Variants in COL4A6 observed in about 807,000 individuals in gnomAD.
COL4A6 encodes collagen type IV alpha 6 chain.
A neutral mutation model predicts 126.7 loss-of-function variants in COL4A6; 59 were observed. The observed-to-expected ratio is 0.47, with a 90% CI of 0.38 to 0.58. The LOEUF is 0.58. Among genes scored for constraint, COL4A6 ranks in the 20% least tolerant of loss-of-function variants. COL4A6 has a pLI of 0.00. For missense variants in COL4A6, 1,285 were observed against 1,337.3 expected (o/e 0.96, Z 0.61); for synonymous variants, 547 against 496.6 (o/e 1.10, Z -1.35).
At chrX:108,291,122 C>T (rs763539166) in intron 3 of COL4A6, among the ~76,000 whole-genome samples, 4 of 111,876 alleles carry the variant, frequency 3.6e-5, no homozygotes, top group Non-Finnish European at 7.5e-5. Flanking sequence ...AGGCTTCTGT[C>T]CAAGAGGACC....
intron 15 of COL4A6, 134 bp from the exon 16 acceptor site, chrX:108,194,721 T>G (rs2035156521): frequency 1.6e-6 from 1 of 613,767 alleles, no homozygotes. Context: ...TCTATCTGAC[T>G]CTGGAAGCTG....
chrX:108,308,726 G>A lies in COL4A6; in HGVS notation c.144+2022C>T, dbSNP rs551183376. ...TGCAATGCTGATGGGAATATAAATT[G>A]GAGAATACTTTGTAGCCTAATTTGT... On this transcript the variant is annotated intron_variant, in intron 3 of 44. Coordinates refer to ENST00000334504, the MANE Select transcript of COL4A6 (RefSeq NM_033641.4). Among the ~76,000 whole-genome samples the A allele has an allele frequency of 2.0e-3, 219 of 112,041 alleles. 1 individual carries two copies. Among genetic ancestry groups the A allele is most frequent in the Middle Eastern group, 4.6e-3 (1 of 218 alleles).
chrX:108,375,301 T>TAC (rs1194810540), intron 2 of COL4A6, among the ~76,000 whole-genome samples: 2 of 112,109 alleles, frequency 1.8e-5, no homozygotes, highest in Non-Finnish European at 3.8e-5. Context: ...TGGGTCTGTA[T>TAC]AACAATCAAC....
At chrX:108,343,221 G>A (rs2039627918) in intron 2 of COL4A6, among the ~76,000 whole-genome samples, 1 of 93,392 alleles carries the variant, frequency 1.1e-5, no homozygotes, top group Non-Finnish European at 2.1e-5. Flanking sequence ...CAAAGGCTGG[G>A]AGTTGACATG....
At chrX:108,198,737 C>T (rs1248331593) in intron 13 of COL4A6, among the ~76,000 whole-genome samples, 1 of 111,309 alleles carries the variant, frequency 9.0e-6, no homozygotes, top group Non-Finnish European at 1.9e-5. Flanking sequence ...GCCTGCTCTC[C>T]TGGGCTCTGG....
At chrX:108,262,366 G>C (rs1241223060) in intron 3 of COL4A6, among the ~76,000 whole-genome samples, 1 of 111,250 alleles carries the variant, frequency 9.0e-6, no homozygotes, top group Non-Finnish European at 1.9e-5. Flanking sequence ...GGCTGTATTT[G>C]TGAGGTCCTC....
At chrX:108,283,309 A>C (rs956920324) in intron 3 of COL4A6, among the ~76,000 whole-genome samples, 2 of 111,541 alleles carry the variant, frequency 1.8e-5, no homozygotes, top group African/African-American at 6.5e-5. Flanking sequence ...TCCAACTCTA[A>C]CATTTGATGG....
At chrX:108,403,350 T>G (rs1380945613) in intron 2 of COL4A6, among the ~76,000 whole-genome samples, 2 of 108,254 alleles carry the variant, frequency 1.8e-5, no homozygotes, top group Non-Finnish European at 3.8e-5. Flanking sequence ...TTCTGAAATA[T>G]TCTTCATAAT....
intron 2 of COL4A6, among the ~76,000 whole-genome samples, chrX:108,389,389 T>G (rs187752464): frequency 1.1e-3 from 123 of 111,906 alleles, no homozygotes; most frequent in Middle Eastern, 4.6e-3. Flanking sequence ...GCTTTATGAA[T>G]CTGGATGCTC....
intron 3 of COL4A6, among the ~76,000 whole-genome samples, chrX:108,287,650 T>G (rs916179653): frequency 2.8e-4 from 31 of 111,975 alleles, no homozygotes; most frequent in Non-Finnish European, 5.8e-4. Context: ...TTTTGGGTAG[T>G]TCTTTCCCCA....
At chrX:108,292,097 A>C (rs1215321977) in intron 3 of COL4A6, among the ~76,000 whole-genome samples, 1 of 112,261 alleles carries the variant, frequency 8.9e-6, no homozygotes, top group Non-Finnish European at 1.9e-5. Context: ...ACTGTTGGTC[A>C]TATTTTTAAT....
At chrX:108,424,837 C>A (rs1365725970) in intron 2 of COL4A6, among the ~76,000 whole-genome samples, 1 of 110,652 alleles carries the variant, frequency 9.0e-6, no homozygotes, top group Non-Finnish European at 1.9e-5. Context: ...AAAGTGAAAA[C>A]CCCATCTCTA....
Position 108,180,582 on chromosome X carries a change from C to T in COL4A6, c.2064G>A (p.Gln688=), listed in dbSNP as rs2034653159. The change falls in exon 25 of 45, where the codon CAG becomes CAA. Residue 688 remains glutamine, a synonymous_variant. Coordinates refer to ENST00000334504, the MANE Select transcript of COL4A6 (RefSeq NM_033641.4). The part of the protein sequence containing the change: ...GSRGLPGTPG[Q]PGSSGSKGEP... ...CTCCTTTACTTCCACTTGACCCAGG[C>T]TGGCCTGGGGTCCCAGGGAGGCCTC... 8.3e-7 allele frequency: 1 copy of T among 1,206,408 alleles called. No homozygotes were observed. The highest frequency in any genetic ancestry group is 3.0e-5 in the East Asian group (1 of 33,755).
In COL4A6 at chrX:108,425,861, A is replaced by C. The variant is rs781431782; in HGVS notation, c.63+12081T>G. Among the ~76,000 whole-genome samples the C allele has an allele frequency of 7.6e-4, 84 of 110,979 alleles. 1 individual carries two copies. Among genetic ancestry groups the C allele is most frequent in the African/African-American group, 2.2e-3 (68 of 30,486 alleles). On this transcript the variant is annotated intron_variant, in intron 2 of 44. Transcript: ENST00000334504. ...CTGTTAAAAATTTGAATTGTTAATA[A>C]ATACATTGATATTTCTGGGGAGGGC...
intron 41 of COL4A6, among the ~76,000 whole-genome samples, chrX:108,162,366 TAAA>T (rs1330981504): frequency 1.5e-5 from 1 of 68,812 alleles, no homozygotes; most frequent in Non-Finnish European, 3.0e-5. Flanking sequence ...TAAAAAAAAA[TAAA>T]AAGAAGAAGA....
chrX:108,263,179 A>G (rs1328045823), intron 3 of COL4A6, among the ~76,000 whole-genome samples: 5 of 111,206 alleles, frequency 4.5e-5, no homozygotes, highest in Non-Finnish European at 7.6e-5. Flanking sequence ...AAATCTATAG[A>G]CAAAGAACAA....
chrX:108,422,640 G>A (rs997122012), intron 2 of COL4A6, among the ~76,000 whole-genome samples: 7 of 111,508 alleles, frequency 6.3e-5, no homozygotes, highest in Non-Finnish European at 1.1e-4. Context: ...CAATGTTTTA[G>A]GTCAAAAATC....
chrX:108,186,860 T>C (rs1001919763), intron 23 of COL4A6, among the ~76,000 whole-genome samples: 1 of 111,436 alleles, frequency 9.0e-6, no homozygotes, highest in Non-Finnish European at 1.9e-5. Context: ...ATTTTCAGAC[T>C]GCTCTGGTAG....
Position 108,192,559 on chromosome X carries a change from AC to A in COL4A6, c.1093del (p.Val365TyrfsTer35), listed in dbSNP as rs761389178. The A allele has an allele frequency of 2.5e-6, 3 of 1,200,258 alleles. No individual in the cohort carries two copies. The highest frequency in any genetic ancestry group is 3.4e-6 in the Non-Finnish European group (3 of 887,197). On this transcript the variant is annotated frameshift_variant, in exon 18 of 45. Transcript: ENST00000334504. LOFTEE classifies it high-confidence loss of function. ...VISGNPGDPG[V>X]PGLPGLKGDE... ...TCCTTTAAGGCCTGGGAGGCCAGGTACACCAGGATCTCCAGGATTACCTGGC... is the reference window on the plus strand; with the variant it reads ...TCCTTTAAGGCCTGGGAGGCCAGGTAACCAGGATCTCCAGGATTACCTGGC...
Sources: gnomAD v4.1 joint callset for allele counts (sites outside exome capture counted in the v4.1 genomes callset) on GRCh38, gnomAD v4.1.1 for gene constraint, MANE v1.5 for transcripts, NCBI Gene and HGNC (gene_info 2026-07-23, HGNC 2026-07-21) for gene names.